The following EGFR variants were observed in gnomAD, a reference collection of about 807,000 sequenced individuals.
EGFR encodes epidermal growth factor receptor, also known as avian erythroblastic leukemia viral (v-erb-b) oncogene homolog.
Under a neutral mutation model 143.0 loss-of-function variants are expected in EGFR, and 58 were observed. The ratio of observed to expected loss-of-function variants is 0.41; its 90% CI spans 0.33 to 0.50. The LOEUF (loss-of-function observed/expected upper bound fraction) is 0.50, where lower values mean the gene tolerates loss of function less well. EGFR is among the 20% of genes least tolerant of loss of function. The pLI, the probability that EGFR is intolerant of heterozygous loss-of-function variation, is 0.39. For missense variants in EGFR, 1,307 were observed against 1,579.0 expected, an observed-to-expected ratio of 0.83 and a Z score of 2.92; for synonymous variants, 613 against 594.4, an observed-to-expected ratio of 1.03 and a Z score of -0.45.
At chr7:55,203,545 C>A in intron 27 of EGFR, among the ~76,000 whole-genome samples, 1 of 132,636 alleles carries the variant, frequency 7.5e-6, no homozygotes, top group South Asian at 2.6e-4. Context: ...ATACACCACA[C>A]ACACCACACA....
chr7:55,098,872 T>A (rs1791636054), intron 1 of EGFR, among the ~76,000 whole-genome samples: 1 of 152,162 alleles, frequency 6.6e-6, no homozygotes. Flanking sequence ...GTGTCCAGTG[T>A]TGTCTGTGAG....
intron 1 of EGFR, among the ~76,000 whole-genome samples, chr7:55,126,173 A>C (rs2128917088): frequency 6.6e-6 from 1 of 152,262 alleles, no homozygotes; most frequent in Admixed American, 6.5e-5. Flanking sequence ...CTCTTAGATC[A>C]TCCCCATGGC....
At chr7:55,107,722 T>C (rs1407282423) in intron 1 of EGFR, among the ~76,000 whole-genome samples, 2 of 152,254 alleles carry the variant, frequency 1.3e-5, no homozygotes, top group African/African-American at 2.4e-5. Flanking sequence ...AATATTTGCA[T>C]TTGAAATTGG....
intron 22 of EGFR, among the ~76,000 whole-genome samples, chr7:55,195,961 A>T (rs7796081): frequency 1.3e-5 from 2 of 151,960 alleles, no homozygotes; most frequent in Non-Finnish European, 2.9e-5. Context: ...TTGCTATTGT[A>T]AATAGTGCTG....
intron 20 of EGFR, among the ~76,000 whole-genome samples, chr7:55,183,009 C>T (rs779706397): frequency 6.6e-6 from 1 of 152,190 alleles, no homozygotes; most frequent in Non-Finnish European, 1.5e-5. Context: ...TTATTCCCTC[C>T]TGGCTCTGGA....
chr7:55,161,734 T>G, intron 13 of EGFR, 103 bp downstream of exon 13: 1 of 1,589,536 alleles, frequency 6.3e-7, no homozygotes, highest in Non-Finnish European at 8.6e-7. Flanking sequence ...CTTCCTTTTA[T>G]TCTTTGCCCT....
chr7:55,131,480 G>A (rs774831708), intron 1 of EGFR, among the ~76,000 whole-genome samples: 5 of 152,012 alleles, frequency 3.3e-5, no homozygotes, highest in South Asian at 4.2e-4. Context: ...TCTGTTCCCC[G>A]CAGTAAAGAG....
intron 1 of EGFR, among the ~76,000 whole-genome samples, chr7:55,052,107 C>G (rs1172076011): frequency 6.6e-6 from 1 of 152,220 alleles, no homozygotes; most frequent in African/African-American, 2.4e-5. Context: ...CAGCCTCTTA[C>G]TTCACCTGTG....
In EGFR at chr7:55,209,628, C is replaced by T. The variant is rs1412814062; in HGVS notation, c.*4011C>T. ...CTGCTCACATTTCCTTGCCTGGGGG[C>T]TGTAAAACCTTACAGAACAGAAATC... On this transcript the variant is annotated 3_prime_UTR_variant, in exon 28 of 28. Coordinates refer to ENST00000275493, the MANE Select transcript of EGFR (RefSeq NM_005228.5). 6.6e-6 allele frequency: 1 copy of T among 152,220 alleles called. No homozygotes were observed. The highest frequency in any genetic ancestry group is 2.4e-5 in the African/African-American group (1 of 41,458). The allele number at this position is 152,220 out of a possible 1,614,324, so 9.4% of individuals were successfully genotyped here.
chr7:55,076,685 C>G (rs1378035985), intron 1 of EGFR, among the ~76,000 whole-genome samples: 1 of 152,110 alleles, frequency 6.6e-6, no homozygotes, highest in African/African-American at 2.4e-5. Context: ...TGGCACCCAC[C>G]CCCACTGAGG....
chr7:55,196,842 C>G (rs1787642640), intron 22 of EGFR, among the ~76,000 whole-genome samples: 1 of 150,032 alleles, frequency 6.7e-6, no homozygotes, highest in African/African-American at 2.5e-5. Context: ...AGCCTTATTT[C>G]TGGGCTCTCT....
At chr7:55,089,011 G>C (rs1790938593) in intron 1 of EGFR, among the ~76,000 whole-genome samples, 1 of 152,190 alleles carries the variant, frequency 6.6e-6, no homozygotes, top group African/African-American at 2.4e-5. Flanking sequence ...GTCAAGAGTT[G>C]TGGAAGAATC....
rs114653387 is a variant in EGFR at position 55,117,126 on chromosome 7, C to T, written c.89-25160C>T. Among the ~76,000 whole-genome samples the T allele has an allele frequency of 8.1e-3, 1,240 of 152,306 alleles. 21 individuals are homozygous for T. Among genetic ancestry groups the T allele is most frequent in the African/African-American group, 0.028 (1,180 of 41,562 alleles). On this transcript the variant is annotated intron_variant, in intron 1 of 27. Coordinates refer to ENST00000275493, the MANE Select transcript of EGFR (RefSeq NM_005228.5). ...ACACCACCAGCAGTAGAAAACATCT[C>T]CTAATTGCTCACAGTAAACCCCCAA...
At chr7:55,173,167 G>T in intron 17 of EGFR, 43 bp downstream of exon 17, 1 of 1,601,640 alleles carries the variant, frequency 6.2e-7, no homozygotes. Flanking sequence ...CTCGCACCCC[G>T]ACAGGAACAA....
chr7:55,156,450 C>T, intron 8 of EGFR, 83 bp from the exon 9 acceptor site: 1 of 1,594,676 alleles, frequency 6.3e-7, no homozygotes, highest in Non-Finnish European at 8.6e-7. Flanking sequence ...GGAATTCCTT[C>T]CTGCTTCCCT....
chr7:55,196,178 A>ATTTTTTTTTTTTTTTTTTGTTT (rs61541412), intron 22 of EGFR, among the ~76,000 whole-genome samples: 1 of 88,126 alleles, frequency 1.1e-5, no homozygotes, highest in African/African-American at 4.9e-5. Context: ...ATGTGTTGGG[A>ATTTTTTTTTTTTTTTTTTGTTT]TTTTTTTTTT....
rs530855834 is a variant in EGFR at position 55,028,332 on chromosome 7, C to T, written c.88+8967C>T. Among the ~76,000 whole-genome samples, 9 of 152,142 alleles carry T rather than the reference C, an allele frequency of 5.9e-5. No individual in the cohort carries two copies. In the South Asian group the frequency reaches 6.2e-4, roughly 11 times the overall value. On this transcript the variant is annotated intron_variant, in intron 1 of 27. Coordinates refer to ENST00000275493, the MANE Select transcript of EGFR (RefSeq NM_005228.5). ...TGGCATTTGTATGTGAAAAACTGTGCATGTTTTAGTGTCTCTGCTGATACT... is the reference window on the plus strand; with the variant it reads ...TGGCATTTGTATGTGAAAAACTGTGTATGTTTTAGTGTCTCTGCTGATACT...
At chr7:55,154,348 G>A (rs1785306374) in intron 7 of EGFR, among the ~76,000 whole-genome samples, 196 bp downstream of exon 7, 2 of 152,228 alleles carry the variant, frequency 1.3e-5, no homozygotes, top group African/African-American at 2.4e-5. Flanking sequence ...GCGGGCAGGT[G>A]GTGGCCATCT....
At position 55,165,397 on chromosome 7, in the gene EGFR, G is replaced by A. The variant is rs779076899; in HGVS notation, c.1840G>A (p.Gly614Ser). ...CCTGGTCTGGAAGTACGCAGACGCCGGCCATGTGTGCCACCTGTGCCATCC... is the reference window on the plus strand; with the variant it reads ...CCTGGTCTGGAAGTACGCAGACGCCAGCCATGTGTGCCACCTGTGCCATCC... ...NTLVWKYADAGHVCHLCHPNC... is the reference protein window; with the variant it reads ...NTLVWKYADASHVCHLCHPNC... Residue 614 changes from glycine (G) to serine (S), a missense_variant, in exon 15 of 28, where the codon GGC (glycine) becomes AGC (serine). Gly to Ser is a moderately conservative substitution (Grantham distance 56, BLOSUM62 0). Around this residue, in one of 7 missense-constraint regions of EGFR, gnomAD observed 250 missense variants for 295.1 expected, o/e 0.85. Transcript: ENST00000275493. The A allele has an allele frequency of 1.7e-5, 28 of 1,613,988 alleles. No individual in the cohort carries two copies. The highest frequency in any genetic ancestry group is 8.3e-5 in the Admixed American group (5 of 60,012).
Sources: gnomAD v4.1 joint callset for allele counts (sites outside exome capture counted in the v4.1 genomes callset) on GRCh38, gnomAD v4.1.1 for gene constraint, gnomAD v4.1.1 regional missense constraint, MANE v1.5 for transcripts, NCBI Gene and HGNC (gene_info 2026-07-23, HGNC 2026-07-21) for gene names.